CDC25C: variants seen among roughly 807,000 people sequenced by gnomAD.
CDC25C encodes the protein cell division cycle 25C, also known as M-phase inducer phosphatase 3.
A neutral mutation model predicts 52.5 loss-of-function variants in CDC25C; 48 were observed. The observed-to-expected ratio is 0.91, with a 90% confidence interval of 0.72 to 1.16. CDC25C has a LOEUF of 1.16. Ranked by LOEUF, CDC25C falls within the 50% of genes most tolerant of loss-of-function variation. The probability of loss-of-function intolerance (pLI) is 0.00; values close to 1 mark genes in which losing one functional copy is unlikely to be tolerated. For missense variants in CDC25C, 510 were observed against 566.1 expected (o/e 0.90, Z 1.01); for synonymous variants, 187 against 206.5 (o/e 0.91, Z 0.81).
chr5:138,292,480 CAAAAAAAAAAA>C (rs70982703), intron 7 of CDC25C, among the ~76,000 whole-genome samples: 3 of 63,526 alleles, frequency 4.7e-5, no homozygotes, highest in East Asian at 4.7e-4. Context: ...GTTATGTGAC[CAAAAAAAAAAA>C]AAAAAAAAAA....
chr5:138,310,964 T>C (rs916875611), intron 7 of CDC25C, among the ~76,000 whole-genome samples: 1 of 152,224 alleles, frequency 6.6e-6, no homozygotes, highest in Admixed American at 6.5e-5. Flanking sequence ...GTAAACAGTG[T>C]GGCACTGGCA....
At chr5:138,309,915 C>T (rs1175827306) in intron 7 of CDC25C, among the ~76,000 whole-genome samples, 2 of 152,018 alleles carry the variant, frequency 1.3e-5, no homozygotes, top group Admixed American at 6.6e-5. Context: ...CCATGTTGGC[C>T]AGGCTGGTCT....
chr5:138,324,293 A>G (rs1337538860), intron 6 of CDC25C, among the ~76,000 whole-genome samples: 2 of 152,038 alleles, frequency 1.3e-5, no homozygotes, highest in Admixed American at 6.6e-5. Context: ...TAAATAAATA[A>G]GTAAATTCTA....
chr5:138,288,890 C>T (rs1002651693), intron 10 of CDC25C, among the ~76,000 whole-genome samples: 12 of 152,228 alleles, frequency 7.9e-5, no homozygotes, highest in African/African-American at 2.4e-4. Context: ...GGTGCATGGT[C>T]ACCCTAATTG....
intron 2 of CDC25C, among the ~76,000 whole-genome samples, chr5:138,330,195 ATT>A (rs879534356): frequency 1.4e-5 from 2 of 147,410 alleles, no homozygotes. Context: ...GAAACAGATA[ATT>A]TTTTTTTTTT....
At chr5:138,288,837 C>T (rs1756475037) in intron 10 of CDC25C, among the ~76,000 whole-genome samples, 1 of 152,140 alleles carries the variant, frequency 6.6e-6, no homozygotes, top group African/African-American at 2.4e-5. Flanking sequence ...TTAATAATTA[C>T]CCTCACTAAT....
intron 12 of CDC25C, among the ~76,000 whole-genome samples, 166 bp downstream of exon 12, chr5:138,286,331 C>A (rs1442398747): frequency 1.3e-5 from 2 of 152,196 alleles, no homozygotes; most frequent in Non-Finnish European, 2.9e-5. Context: ...ATTCTCAATC[C>A]CTTTTCCTTT....
In CDC25C at chr5:138,300,562, C is replaced by CA. The variant is rs76539640; in HGVS notation, c.616-8447dup. Reference sequence around the variant, plus strand: ...TGGGCAACAGAGTGAGACTCTGTCTCAAAAAAAAAAAATTGATAGATTAAT... The same window carrying CA: ...TGGGCAACAGAGTGAGACTCTGTCTCAAAAAAAAAAAAATTGATAGATTAAT... On this transcript the variant is annotated intron_variant, in intron 7 of 13. Transcript: ENST00000323760. 4.5e-3 allele frequency among the ~76,000 whole-genome samples: 597 copies of CA among 133,654 alleles called. 2 individuals are homozygous for CA. Among genetic ancestry groups the CA allele is most frequent in the East Asian group, 0.013 (61 of 4,646 alleles). 87.7% of individuals were successfully genotyped at this position (133,654 alleles called of 152,430 possible). A position where few individuals can be genotyped will look rare whatever the true frequency, so the allele number is the denominator to read the frequency against.
At chr5:138,292,348 C>T (rs191389695) in intron 7 of CDC25C, among the ~76,000 whole-genome samples, 7 of 152,000 alleles carry the variant, frequency 4.6e-5, no homozygotes, top group African/African-American at 1.4e-4. Flanking sequence ...TATCTTTCTA[C>T]CTGGACTGCA....
At chr5:138,310,584 T>C (rs1019173328) in intron 7 of CDC25C, among the ~76,000 whole-genome samples, 18 of 152,248 alleles carry the variant, frequency 1.2e-4, no homozygotes, top group Admixed American at 6.5e-5. Context: ...TTAAGTACTA[T>C]TAATTGATAA....
intron 10 of CDC25C, among the ~76,000 whole-genome samples, chr5:138,288,576 A>G (rs1756454299): frequency 6.6e-6 from 1 of 152,064 alleles, no homozygotes; most frequent in African/African-American, 2.4e-5. Context: ...GGCACCTGTA[A>G]TCCCAGCTAC....
In CDC25C at chr5:138,289,691, C is replaced by T. The variant is rs1756550122; in HGVS notation, c.865-128G>A. 24 of 680,872 alleles carry T rather than the reference C, an allele frequency of 3.5e-5. No homozygotes were observed. The South Asian group carries it at 3.8e-4, about 11-fold the overall frequency. 42.2% of individuals were successfully genotyped at this position (680,872 alleles called of 1,614,324 possible). On this transcript the variant is annotated intron_variant, in intron 9 of 13. Coordinates refer to ENST00000323760, the MANE Select transcript of CDC25C (RefSeq NM_001790.5). ...CAGAGGCCTTCAAAAAAATCAGTGTCTCTATAAAGTGCATATACATCAAGT... is the reference window on the plus strand; with the variant it reads ...CAGAGGCCTTCAAAAAAATCAGTGTTTCTATAAAGTGCATATACATCAAGT...
chr5:138,310,699 TA>T (rs1758382008), intron 7 of CDC25C, among the ~76,000 whole-genome samples: 1 of 152,208 alleles, frequency 6.6e-6, no homozygotes, highest in South Asian at 2.1e-4. Context: ...GTCATATATC[TA>T]AAAGTGGCAG....
intron 7 of CDC25C, among the ~76,000 whole-genome samples, chr5:138,311,570 C>T (rs1257840925): frequency 6.6e-6 from 1 of 152,016 alleles, no homozygotes; most frequent in Non-Finnish European, 1.5e-5. Context: ...ATACTCCAGC[C>T]TGGGTGAGAC....
chr5:138,296,974 G>A (rs1471775882), intron 7 of CDC25C, among the ~76,000 whole-genome samples: 12 of 135,208 alleles, frequency 8.9e-5, no homozygotes, highest in Admixed American at 4.1e-4. Context: ...GCAGTGGCAC[G>A]ATCTCGGCTC....
In CDC25C at chr5:138,290,615, C is replaced by T. The variant is rs755517743; in HGVS notation, c.864+24G>A. The T allele has an allele frequency of 3.1e-6, 4 of 1,279,774 alleles. No individual in the cohort carries two copies. In the Admixed American group the frequency reaches 6.7e-5, roughly 22 times the overall value. The allele number at this position is 1,279,774 out of a possible 1,614,324, so 79.3% of individuals were successfully genotyped here. A position where few individuals can be genotyped will look rare whatever the true frequency, so the allele number is the denominator to read the frequency against. On this transcript the variant is annotated intron_variant, in intron 9 of 13. Transcript: ENST00000323760. The stretch of plus-strand genomic sequence containing the variant: ...AGATCCAAAATGACTCACTGAAATA[C>T]AGGATGGGTGTAGCCAAACTCACCT...
chr5:138,308,241 A>G (rs1462544025), intron 7 of CDC25C, among the ~76,000 whole-genome samples: 1 of 152,150 alleles, frequency 6.6e-6, no homozygotes, highest in Non-Finnish European at 1.5e-5. Context: ...TGTCTATATT[A>G]TGCAATTCAG....
intron 7 of CDC25C, among the ~76,000 whole-genome samples, chr5:138,315,399 G>C (rs550814563): frequency 3.3e-5 from 5 of 152,158 alleles, no homozygotes; most frequent in African/African-American, 9.6e-5. Flanking sequence ...CCACTGGGGG[G>C]TCTCAGAATG....
intron 6 of CDC25C, among the ~76,000 whole-genome samples, chr5:138,320,646 C>T (rs1759291505): frequency 1.3e-5 from 2 of 151,560 alleles, no homozygotes; most frequent in African/African-American, 4.9e-5. Context: ...ATGGCAAAAC[C>T]CTGATTCTAC....
Sources: gnomAD v4.1 joint callset for allele counts (sites outside exome capture counted in the v4.1 genomes callset) on GRCh38, gnomAD v4.1.1 for gene constraint, MANE v1.5 for transcripts, NCBI Gene and HGNC (gene_info 2026-07-23, HGNC 2026-07-21) for gene names.